The following FMN1 variants were observed in gnomAD, a reference collection of about 807,000 sequenced individuals.
FMN1 encodes formin-1.
Under a neutral mutation model 132.4 loss-of-function variants are expected in FMN1, and 110 were observed. The observed-to-expected ratio is 0.83, with a 90% CI of 0.71 to 0.97. FMN1 has a LOEUF of 0.97. Among genes scored for constraint, FMN1 ranks in the 50% least tolerant of loss-of-function variants. FMN1 has a pLI of 0.00. For missense variants in FMN1, 1,792 were observed against 1,705.3 expected, an observed-to-expected ratio of 1.05 and a Z score of -0.90; for synonymous variants, 722 against 651.7, an observed-to-expected ratio of 1.11 and a Z score of -1.64.
intron 19 of FMN1, among the ~76,000 whole-genome samples, chr15:32,786,621 A>T (rs1416501665): frequency 6.6e-6 from 1 of 152,248 alleles, no homozygotes. Flanking sequence ...ACTTTGGGGC[A>T]TCAGGGAAAT....
chr15:32,829,815 A>G (rs549654272), intron 17 of FMN1, among the ~76,000 whole-genome samples: 38 of 152,278 alleles, frequency 2.5e-4, no homozygotes, highest in East Asian at 1.7e-3. Flanking sequence ...ACCATGTTCT[A>G]TATCTAGATA....
At chr15:32,797,324 G>T (rs1465369686) in intron 19 of FMN1, among the ~76,000 whole-genome samples, 1 of 152,202 alleles carries the variant, frequency 6.6e-6, no homozygotes, top group Non-Finnish European at 1.5e-5. Context: ...AATCTGAGGT[G>T]TAAAAATTCT....
intron 4 of FMN1, among the ~76,000 whole-genome samples, chr15:33,092,963 T>C (rs1315366710): frequency 6.6e-6 from 1 of 152,222 alleles, no homozygotes; most frequent in Non-Finnish European, 1.5e-5. Flanking sequence ...AACTACATTT[T>C]ATTAAAAAGT....
chr15:32,902,311 A>C (rs1264733307), intron 12 of FMN1, among the ~76,000 whole-genome samples: 1 of 152,214 alleles, frequency 6.6e-6, no homozygotes, highest in East Asian at 1.9e-4. Context: ...ATACTAAACA[A>C]GTTATCTATC....
At chr15:33,119,153 A>G (rs1962313148) in intron 4 of FMN1, among the ~76,000 whole-genome samples, 1 of 152,226 alleles carries the variant, frequency 6.6e-6, no homozygotes, top group African/African-American at 2.4e-5. Context: ...AGAAACTTCT[A>G]TTCTGATGAT....
rs199798243 is a variant in FMN1 at position 32,968,861 on chromosome 15, G to A, written c.2840C>T (p.Pro947Leu). 268 of 1,468,298 alleles carry A rather than the reference G, an allele frequency of 1.8e-4. 5 individuals carry two copies. The East Asian group carries it at 5.3e-3, about 29-fold the overall frequency. The allele number at this position is 1,468,298 out of a possible 1,614,324, so 91.0% of individuals were successfully genotyped here. A position where few individuals can be genotyped will look rare whatever the true frequency, so the allele number is the denominator to read the frequency against. Residue 947 changes from proline (P) to leucine (L), a missense_variant, in exon 8 of 21, where the codon CCA becomes CTA. Transcript: ENST00000616417. ...PNPGGPPPAP[P>L]PPGLAPPPPP... is the part of the protein sequence containing the mutation. ...AGGTGGGGGTGCAAGTCCTGGGGGT[G>A]GTGGAGCAGGAGGAGGCCCTCCAGG...
chr15:33,086,798 AGCTTTCTC>A (rs2038714487), intron 5 of FMN1, among the ~76,000 whole-genome samples: 1 of 152,250 alleles, frequency 6.6e-6, no homozygotes, highest in Non-Finnish European at 1.5e-5. Flanking sequence ...GCAGGACTGC[AGCTTTCTC>A]ATCTTTCAGC....
At chr15:32,829,212 T>TC (rs2058443170) in intron 17 of FMN1, among the ~76,000 whole-genome samples, 1 of 152,182 alleles carries the variant, frequency 6.6e-6, no homozygotes, top group African/African-American at 2.4e-5. Context: ...AAATACCCAA[T>TC]AACAAAAATT....
chr15:32,909,658 G>T (rs1350945114), intron 11 of FMN1, among the ~76,000 whole-genome samples: 1 of 152,160 alleles, frequency 6.6e-6, no homozygotes, highest in Non-Finnish European at 1.5e-5. Flanking sequence ...CATTACTTAA[G>T]AGAATGTGGT....
chr15:32,977,941 C>A (rs1165485495), intron 7 of FMN1, among the ~76,000 whole-genome samples: 1 of 151,796 alleles, frequency 6.6e-6, no homozygotes, highest in African/African-American at 2.4e-5. Flanking sequence ...ACTGCAACCT[C>A]CGCCTCCCAC....
intron 16 of FMN1, among the ~76,000 whole-genome samples, chr15:32,885,768 T>C (rs931712454): frequency 3.3e-5 from 5 of 152,212 alleles, no homozygotes; most frequent in African/African-American, 9.6e-5. Context: ...CCAATAACCA[T>C]AGGTTAATTC....
At chr15:32,855,285 G>A (rs377340694) in intron 17 of FMN1, among the ~76,000 whole-genome samples, 2 of 151,768 alleles carry the variant, frequency 1.3e-5, no homozygotes, top group African/African-American at 4.8e-5. Context: ...TCTCCTAAGT[G>A]ATTCTAGTAT....
At chr15:33,186,073 C>A (rs998284730) in intron 2 of FMN1, among the ~76,000 whole-genome samples, 1 of 151,978 alleles carries the variant, frequency 6.6e-6, no homozygotes, top group Non-Finnish European at 1.5e-5. Flanking sequence ...TTCAATGCAA[C>A]CTTTGTGAAT....
At chr15:32,847,288 ATGTG>A (rs35960980) in intron 17 of FMN1, among the ~76,000 whole-genome samples, 2 of 112,166 alleles carry the variant, frequency 1.8e-5, no homozygotes, top group East Asian at 3.6e-4. Flanking sequence ...GTGTGTGTGT[ATGTG>A]TGTGTGTGTG....
intron 7 of FMN1, among the ~76,000 whole-genome samples, chr15:32,978,912 T>C (rs1424545804): frequency 1.3e-5 from 2 of 152,128 alleles, no homozygotes; most frequent in African/African-American, 4.8e-5. Context: ...AAAAATGATA[T>C]TAGGTCAATT....
chr15:33,109,766 G>A (rs370196211), intron 4 of FMN1, among the ~76,000 whole-genome samples: 12 of 151,250 alleles, frequency 7.9e-5, no homozygotes, highest in African/African-American at 2.7e-4. Context: ...GAAATAATAT[G>A]TACAACAACC....
intron 3 of FMN1, among the ~76,000 whole-genome samples, chr15:33,178,332 T>C (rs1207608872): frequency 6.6e-6 from 1 of 152,186 alleles, no homozygotes; most frequent in East Asian, 1.9e-4. Context: ...AGGAGGTGCC[T>C]TTAATCACTC....
intron 16 of FMN1, among the ~76,000 whole-genome samples, 188 bp downstream of exon 16, chr15:32,887,984 G>A (rs1051832681): frequency 2.0e-5 from 3 of 152,048 alleles, no homozygotes; most frequent in Non-Finnish European, 4.4e-5. Flanking sequence ...ACTAATAAAA[G>A]AGAAGAATTT....
intron 17 of FMN1, among the ~76,000 whole-genome samples, chr15:32,847,777 C>T (rs565303499): frequency 6.6e-6 from 1 of 152,226 alleles, no homozygotes; most frequent in East Asian, 1.9e-4. Context: ...ATGGCATGAA[C>T]CTGGGAGGCG....
Sources: allele counts gnomAD v4.1 joint callset (sites outside exome capture counted in the v4.1 genomes callset), GRCh38; gene constraint gnomAD v4.1.1; transcripts MANE v1.5; gene names NCBI Gene and HGNC (gene_info 2026-07-23, HGNC 2026-07-21).